The following LMCD1 variants were observed in gnomAD, a reference collection of about 807,000 sequenced individuals.
LMCD1 encodes the protein LIM and cysteine rich domains 1.
LMCD1 carries 32 observed loss-of-function variants against 42.7 expected under a neutral mutation model. The observed-to-expected ratio is 0.75, with a 90% confidence interval of 0.57 to 1.01. LMCD1 has a LOEUF of 1.01. Ranked by LOEUF, LMCD1 falls within the 50% of genes least tolerant of loss-of-function variation. The probability of loss-of-function intolerance (pLI) is 0.00; values close to 1 mark genes in which losing one functional copy is unlikely to be tolerated. For synonymous variants in LMCD1, 178 were observed against 184.9 expected (o/e 0.96, Z 0.30); for missense variants, 458 against 483.1 (o/e 0.95, Z 0.49).
intron 4 of LMCD1, 112 bp downstream of exon 4, chr3:8,549,015 T>G: frequency 1.3e-6 from 1 of 792,308 alleles, no homozygotes; most frequent in Non-Finnish European, 1.9e-6. Flanking sequence ...ATTCATGAAT[T>G]TGTGCATTCA....
At chr3:8,545,983 CG>C (rs1174776302) in intron 3 of LMCD1, among the ~76,000 whole-genome samples, 6 of 152,052 alleles carry the variant, frequency 3.9e-5, no homozygotes, top group Non-Finnish European at 8.8e-5. Flanking sequence ...AAAAATTAGC[CG>C]GGTGTAATGG....
intron 2 of LMCD1, among the ~76,000 whole-genome samples, chr3:8,534,800 C>A (rs113224511): frequency 6.6e-5 from 10 of 152,134 alleles, no homozygotes; most frequent in African/African-American, 2.2e-4. Flanking sequence ...AATCTGGGCA[C>A]CTGGAAAGAG....
chr3:8,553,812 C>G (rs1412485543), intron 4 of LMCD1, among the ~76,000 whole-genome samples: 1 of 152,196 alleles, frequency 6.6e-6, no homozygotes, highest in Non-Finnish European at 1.5e-5. Context: ...GGGGCAATAC[C>G]AAGCCTGAAA....
chr3:8,562,042 G>C (rs1574976089), intron 4 of LMCD1, among the ~76,000 whole-genome samples: 1 of 152,188 alleles, frequency 6.6e-6, no homozygotes, highest in East Asian at 1.9e-4. Context: ...AACTTTCACT[G>C]CTCCTGGGAA....
At chr3:8,502,284 A>G (rs1259472402) in intron 1 of LMCD1, among the ~76,000 whole-genome samples, 2 of 59,496 alleles carry the variant, frequency 3.4e-5, no homozygotes, top group Non-Finnish European at 6.3e-5. Flanking sequence ...TATAAAATAT[A>G]TATAATATAT....
At chr3:8,559,553 C>A (rs1694990306) in intron 4 of LMCD1, among the ~76,000 whole-genome samples, 1 of 152,188 alleles carries the variant, frequency 6.6e-6, no homozygotes, top group Non-Finnish European at 1.5e-5. Flanking sequence ...GGTATCTCCC[C>A]TCTCAGCCAC....
chr3:8,557,589 C>A (rs964799265), intron 4 of LMCD1, among the ~76,000 whole-genome samples: 1 of 152,210 alleles, frequency 6.6e-6, no homozygotes, highest in African/African-American at 2.4e-5. Flanking sequence ...CAACACAGTT[C>A]AGTCCTTCGA....
intron 3 of LMCD1, among the ~76,000 whole-genome samples, chr3:8,547,844 C>T (rs1375349960): frequency 6.6e-6 from 1 of 152,022 alleles, no homozygotes; most frequent in Non-Finnish European, 1.5e-5. Context: ...CGAGATCACA[C>T]CACCGCACTC....
intron 1 of LMCD1, among the ~76,000 whole-genome samples, chr3:8,527,610 CA>C (rs1352465445): frequency 1.3e-5 from 2 of 152,138 alleles, no homozygotes; most frequent in African/African-American, 4.8e-5. Flanking sequence ...TTTTAAATAA[CA>C]AGTCATGTTG....
chr3:8,504,710 G>A (rs930705724), intron 1 of LMCD1, among the ~76,000 whole-genome samples: 2 of 152,132 alleles, frequency 1.3e-5, no homozygotes, highest in Non-Finnish European at 2.9e-5. Flanking sequence ...GGCTGCTCTT[G>A]AACCATCTTT....
At chr3:8,515,555 A>G (rs1181712836) in intron 1 of LMCD1, among the ~76,000 whole-genome samples, 1 of 152,126 alleles carries the variant, frequency 6.6e-6, no homozygotes, top group Non-Finnish European at 1.5e-5. Context: ...GAAATTCTCC[A>G]TGTTATGCTC....
At position 8,548,755 on chromosome 3, in the gene LMCD1, A is replaced by G; in HGVS notation, c.575A>G (p.Glu192Gly). ...GAATTTGTCAAGCAATATAAGAGCGAGGCCCTCGGCGTGGGAGAAGTGGCC... is the reference window on the plus strand; with the variant it reads ...GAATTTGTCAAGCAATATAAGAGCGGGGCCCTCGGCGTGGGAGAAGTGGCC... ...MEEFVKQYKS[E>G]ALGVGEVALP... Residue 192 changes from glutamate to glycine, a missense_variant, in exon 4 of 6, where the codon GAG (glutamate) becomes GGG (glycine). Glu to Gly is a moderately conservative substitution (Grantham distance 98, BLOSUM62 -2). Coordinates refer to ENST00000157600, the MANE Select transcript of LMCD1 (RefSeq NM_014583.4). 6.2e-7 allele frequency: 1 copy of G among 1,613,780 alleles called. No individual in the cohort carries two copies. The highest frequency in any genetic ancestry group is 8.5e-7 in the Non-Finnish European group (1 of 1,179,706).
chr3:8,505,268 A>T (rs1275553133), intron 1 of LMCD1, among the ~76,000 whole-genome samples: 1 of 152,232 alleles, frequency 6.6e-6, no homozygotes, highest in Non-Finnish European at 1.5e-5. Flanking sequence ...AAGCTAAGAC[A>T]ATGACCAAAT....
intron 3 of LMCD1, 176 bp downstream of exon 3, chr3:8,537,616 A>G (rs1694537257): frequency 1.5e-6 from 1 of 662,844 alleles, no homozygotes. Flanking sequence ...AATGAAGACT[A>G]TCTGGGCCTC....
intron 3 of LMCD1, among the ~76,000 whole-genome samples, chr3:8,547,747 G>GCCGGGCA (rs33924920): frequency 3.3e-3 from 3 of 900 alleles, no homozygotes; most frequent in Admixed American, 0.056. Flanking sequence ...AAAAAAATTA[G>GCCGGGCA]CAGTGGCGGG....
intron 4 of LMCD1, among the ~76,000 whole-genome samples, chr3:8,561,849 C>G (rs1695043185): frequency 7.0e-6 from 1 of 143,786 alleles, no homozygotes; most frequent in South Asian, 2.2e-4. Flanking sequence ...AGGGACATGA[C>G]AGCCATTGTC....
rs1258228269 is a variant in LMCD1, at chr3:8,567,733, T to C, written c.*135T>C. ...AATGATTTGCTTTTCAGTGAGAATA[T>C]ATATATGAGATATATATAGATATAT... On this transcript the variant is annotated 3_prime_UTR_variant, in exon 6 of 6. Transcript: ENST00000157600. 1.1e-5 allele frequency: 9 copies of C among 845,036 alleles called. No individual in the cohort carries two copies. In the South Asian group the frequency reaches 1.2e-4, roughly 11 times the overall value. The allele number at this position is 845,036 out of a possible 1,614,324, so 52.3% of individuals were successfully genotyped here.
chr3:8,509,989 C>T (rs1220972347), intron 1 of LMCD1, among the ~76,000 whole-genome samples: 3 of 152,170 alleles, frequency 2.0e-5, no homozygotes, highest in South Asian at 2.1e-4. Flanking sequence ...CATATGTTTT[C>T]AGAGGCAGCT....
At chr3:8,506,617 T>C (rs2125008930) in intron 1 of LMCD1, among the ~76,000 whole-genome samples, 1 of 152,340 alleles carries the variant, frequency 6.6e-6, no homozygotes, top group Admixed American at 6.5e-5. Flanking sequence ...TCTTTTTAGC[T>C]TGCACATTCA....
Sources: allele counts gnomAD v4.1 joint callset (sites outside exome capture counted in the v4.1 genomes callset), GRCh38; gene constraint gnomAD v4.1.1; transcripts MANE v1.5; gene names NCBI Gene and HGNC (gene_info 2026-07-23, HGNC 2026-07-21).